Variants in GREB1L observed in about 807,000 individuals in gnomAD.
GREB1L encodes the protein GREB1 like retinoic acid receptor coactivator.
GREB1L carries 17 observed loss-of-function variants against 200.8 expected under a neutral mutation model. The observed-to-expected ratio is 0.08, with a 90% CI of 0.06 to 0.13. The LOEUF is 0.13. Ranked by LOEUF, GREB1L falls within the 10% of genes least tolerant of loss-of-function variation. The pLI is 1.00. For missense variants in GREB1L, 1,657 were observed against 2,367.7 expected, an observed-to-expected ratio of 0.70 and a Z score of 6.23; for synonymous variants, 789 against 893.0, an observed-to-expected ratio of 0.88 and a Z score of 2.08.
intron 17 of GREB1L, 118 bp downstream of exon 17, chr18:21,477,474 C>A: frequency 1.2e-6 from 1 of 813,710 alleles, no homozygotes; most frequent in Non-Finnish European, 1.8e-6. Flanking sequence ...CAAAATCTAA[C>A]GTAATGCTTT....
intron 21 of GREB1L, among the ~76,000 whole-genome samples, chr18:21,497,818 CCCCT>C (rs1218565176): frequency 4.7e-5 from 6 of 127,090 alleles, no homozygotes; most frequent in African/African-American, 1.6e-4. Context: ...ACCACCCCCC[CCCCT>C]TTTTTTTTTT....
chr18:21,254,368 C>T (rs1471248836), intron 1 of GREB1L, among the ~76,000 whole-genome samples: 2 of 152,026 alleles, frequency 1.3e-5, no homozygotes, highest in East Asian at 1.9e-4. Flanking sequence ...CATGCCCAGC[C>T]GCTTTTGGGC....
At chr18:21,443,074 T>G (rs544719902) in intron 10 of GREB1L, among the ~76,000 whole-genome samples, 3 of 151,986 alleles carry the variant, frequency 2.0e-5, no homozygotes, top group East Asian at 1.9e-4. Flanking sequence ...CAGCCTAGTT[T>G]TGTATTTTTA....
intron 1 of GREB1L, among the ~76,000 whole-genome samples, chr18:21,323,143 G>A (rs1326065943): frequency 3.9e-5 from 6 of 152,046 alleles, no homozygotes; most frequent in East Asian, 1.9e-4. Flanking sequence ...TTTAAATAGC[G>A]GGATGTGGTG....
chr18:21,363,982 G>A (rs1191431944), intron 1 of GREB1L: 1 of 152,090 alleles, frequency 6.6e-6, no homozygotes, highest in Non-Finnish European at 1.5e-5. Flanking sequence ...TTTGCTGTTT[G>A]GAGAATTAGT....
intron 32 of GREB1L, among the ~76,000 whole-genome samples, chr18:21,522,291 T>G (rs931006639): frequency 2.6e-5 from 4 of 151,814 alleles, no homozygotes; most frequent in Non-Finnish European, 5.9e-5. Flanking sequence ...GCCAACATGA[T>G]GAAACCCCAT....
intron 2 of GREB1L, among the ~76,000 whole-genome samples, chr18:21,369,881 G>T (rs527847520): frequency 6.6e-6 from 1 of 150,752 alleles, no homozygotes. Context: ...CCCAGGAGGC[G>T]GAGGTTACAG....
intron 19 of GREB1L, among the ~76,000 whole-genome samples, chr18:21,495,468 T>TA (rs2036508908): frequency 6.6e-6 from 1 of 152,244 alleles, no homozygotes; most frequent in Non-Finnish European, 1.5e-5. Context: ...CCTACTGAGA[T>TA]AAACTACAGC....
intron 7 of GREB1L, among the ~76,000 whole-genome samples, chr18:21,417,980 CAAAAA>C (rs370649676): frequency 1.2e-5 from 1 of 80,266 alleles, no homozygotes; most frequent in Admixed American, 1.4e-4. Flanking sequence ...GACTCCATCT[CAAAAA>C]AAAAAAAAAG....
chr18:21,457,415 T>C (rs1442660624), intron 15 of GREB1L, among the ~76,000 whole-genome samples: 1 of 152,266 alleles, frequency 6.6e-6, no homozygotes, highest in Non-Finnish European at 1.5e-5. Flanking sequence ...AAACATACCT[T>C]TATTTTGTTA....
chr18:21,463,756 G>C (rs1178498033), intron 15 of GREB1L, among the ~76,000 whole-genome samples: 1 of 152,042 alleles, frequency 6.6e-6, no homozygotes, highest in Non-Finnish European at 1.5e-5. Flanking sequence ...TTTTTTTAGA[G>C]ACAAGATCTC....
At chr18:21,254,932 C>T (rs1461894952) in intron 1 of GREB1L, among the ~76,000 whole-genome samples, 3 of 152,158 alleles carry the variant, frequency 2.0e-5, no homozygotes, top group African/African-American at 7.2e-5. Flanking sequence ...GGTCATGCGT[C>T]AGCCAGTCAC....
At chr18:21,476,486 C>G (rs1451063854) in intron 16 of GREB1L, among the ~76,000 whole-genome samples, 1 of 152,108 alleles carries the variant, frequency 6.6e-6, no homozygotes, top group Non-Finnish European at 1.5e-5. Context: ...TGACCCTGTA[C>G]ACCTCATCTT....
chr18:21,472,426 T>C (rs1220414509), intron 15 of GREB1L, among the ~76,000 whole-genome samples: 1 of 152,222 alleles, frequency 6.6e-6, no homozygotes, highest in African/African-American at 2.4e-5. Flanking sequence ...AATATAGCAG[T>C]CATGACTAAT....
chr18:21,333,034 A>G (rs1230731730), intron 1 of GREB1L, among the ~76,000 whole-genome samples: 4 of 152,154 alleles, frequency 2.6e-5, no homozygotes, highest in Non-Finnish European at 4.4e-5. Flanking sequence ...GCAGTGAGCC[A>G]TGATTACACC....
chr18:21,328,651 G>A (rs551241186), intron 1 of GREB1L, among the ~76,000 whole-genome samples: 5 of 152,198 alleles, frequency 3.3e-5, no homozygotes, highest in Admixed American at 6.5e-5. Context: ...TGATGCATCT[G>A]ATACGTGCAT....
At chr18:21,401,564 C>T (rs2041317919) in intron 6 of GREB1L, among the ~76,000 whole-genome samples, 1 of 152,140 alleles carries the variant, frequency 6.6e-6, no homozygotes. Flanking sequence ...GAAGGGGGTA[C>T]AGCTCTCAAG....
chr18:21,448,378 A>G (rs2034345947), intron 11 of GREB1L, among the ~76,000 whole-genome samples: 1 of 152,178 alleles, frequency 6.6e-6, no homozygotes, highest in Non-Finnish European at 1.5e-5. Flanking sequence ...TTAATTTTCC[A>G]TATCTGAAGA....
At chr18:21,341,899 A>G (rs1273277251) in intron 1 of GREB1L, among the ~76,000 whole-genome samples, 1 of 152,142 alleles carries the variant, frequency 6.6e-6, no homozygotes, top group Admixed American at 6.6e-5. Context: ...AAACGATGGG[A>G]ATACTTTTCA....
Sources: allele counts gnomAD v4.1 joint callset (sites outside exome capture counted in the v4.1 genomes callset), GRCh38; gene constraint gnomAD v4.1.1; transcripts MANE v1.5; gene names NCBI Gene and HGNC (gene_info 2026-07-23, HGNC 2026-07-21).